Variants in B3GALT1 observed in about 807,000 individuals in gnomAD.
The protein encoded by B3GALT1 is beta-1,3-galactosyltransferase 1, also known as UDP-Gal:betaGlcNAc beta 1,3-galactosyltransferase, polypeptide 1.
B3GALT1 carries 10 observed loss-of-function variants against 23.2 expected under a neutral mutation model. The observed-to-expected ratio is 0.43, with a 90% CI of 0.27 to 0.73. The LOEUF (loss-of-function observed/expected upper bound fraction) is 0.73. Ranked by LOEUF, B3GALT1 falls within the 30% of genes least tolerant of loss-of-function variation. The probability of loss-of-function intolerance (pLI) is 0.21; values close to 1 mark genes in which losing one functional copy is unlikely to be tolerated. For synonymous variants in B3GALT1, 156 were observed against 141.5 expected (o/e 1.10, Z -0.73); for missense variants, 299 against 405.4 (o/e 0.74, Z 2.25).
At chr2:167,836,227 A>G (rs184598520) in intron 4 of B3GALT1, among the ~76,000 whole-genome samples, 135 of 151,836 alleles carry the variant, frequency 8.9e-4, no homozygotes, top group Middle Eastern at 6.8e-3. Context: ...CGATCAAACT[A>G]CAAGCTACAG....
intron 2 of B3GALT1, among the ~76,000 whole-genome samples, chr2:167,636,752 G>A (rs184052523): frequency 3.6e-3 from 543 of 152,076 alleles, no homozygotes; most frequent in African/African-American, 0.012. Context: ...GCCAAACACC[G>A]CATGTTCTCA....
chr2:167,654,249 A>G (rs1356858444), intron 3 of B3GALT1, among the ~76,000 whole-genome samples: 1 of 152,190 alleles, frequency 6.6e-6, no homozygotes, highest in Non-Finnish European at 1.5e-5. Context: ...CAAGGCATTT[A>G]GAATATATTT....
intron 3 of B3GALT1, among the ~76,000 whole-genome samples, chr2:167,713,065 T>C (rs1446071110): frequency 6.6e-6 from 1 of 152,154 alleles, no homozygotes; most frequent in African/African-American, 2.4e-5. Context: ...GCAATTATTA[T>C]CCCTTCTGAG....
chr2:167,529,104 T>TATG (rs1683273678), intron 2 of B3GALT1, among the ~76,000 whole-genome samples: 2 of 152,166 alleles, frequency 1.3e-5, no homozygotes. Context: ...TCATTTACTT[T>TATG]ATGTGTCAAA....
At chr2:167,816,936 A>AT (rs987683038) in intron 3 of B3GALT1, among the ~76,000 whole-genome samples, 10 of 152,184 alleles carry the variant, frequency 6.6e-5, no homozygotes, top group African/African-American at 9.6e-5. Context: ...AGAATAAGAC[A>AT]TTTTTTACAT....
chr2:167,811,854 G>A (rs1688895928), intron 3 of B3GALT1, among the ~76,000 whole-genome samples: 1 of 152,136 alleles, frequency 6.6e-6, no homozygotes, highest in Admixed American at 6.5e-5. Flanking sequence ...TGTTTTCCCA[G>A]CACATATCAG....
At chr2:167,323,055 G>C (rs902819221) in intron 1 of B3GALT1, among the ~76,000 whole-genome samples, 1 of 151,372 alleles carries the variant, frequency 6.6e-6, no homozygotes, top group Non-Finnish European at 1.5e-5. Flanking sequence ...TCCATTTTCT[G>C]GCCTTTTTAA....
chr2:167,617,906 A>G (rs1170136588), intron 2 of B3GALT1, among the ~76,000 whole-genome samples: 1 of 152,062 alleles, frequency 6.6e-6, no homozygotes, highest in Non-Finnish European at 1.5e-5. Flanking sequence ...GATAATTAAA[A>G]GGAATGTTAT....
chr2:167,804,714 T>G (rs201198608), intron 3 of B3GALT1, among the ~76,000 whole-genome samples: 1 of 152,358 alleles, frequency 6.6e-6, no homozygotes, highest in African/African-American at 2.4e-5. Context: ...ATTTTCTTAA[T>G]CCAGTCTATC....
intron 1 of B3GALT1, among the ~76,000 whole-genome samples, chr2:167,429,853 C>A (rs1427687460): frequency 6.6e-6 from 1 of 152,176 alleles, no homozygotes; most frequent in Non-Finnish European, 1.5e-5. Flanking sequence ...TTATGTTAGC[C>A]TCTAATGTTA....
chr2:167,353,202 G>T (rs1348542925), intron 1 of B3GALT1, among the ~76,000 whole-genome samples: 4 of 152,166 alleles, frequency 2.6e-5, no homozygotes, highest in Non-Finnish European at 5.9e-5. Flanking sequence ...AACTGGAAAA[G>T]AAAACTGAAT....
intron 2 of B3GALT1, among the ~76,000 whole-genome samples, chr2:167,608,166 G>A (rs1684998742): frequency 6.6e-6 from 1 of 152,014 alleles, no homozygotes; most frequent in Non-Finnish European, 1.5e-5. Context: ...ATGATTACTT[G>A]GTACCTGAGA....
At chr2:167,561,815 C>T (rs1054612478) in intron 2 of B3GALT1, among the ~76,000 whole-genome samples, 11 of 152,244 alleles carry the variant, frequency 7.2e-5, no homozygotes, top group African/African-American at 2.4e-4. Flanking sequence ...CAATAATCAA[C>T]AGCTTACCAA....
intron 3 of B3GALT1, among the ~76,000 whole-genome samples, chr2:167,708,178 A>T (rs1371247303): frequency 6.6e-6 from 1 of 152,246 alleles, no homozygotes; most frequent in Non-Finnish European, 1.5e-5. Flanking sequence ...ACAAAATAGC[A>T]AATCAAATGT....
In B3GALT1 at chr2:167,869,093, C is replaced by T. The variant is rs558710710; in HGVS notation, c.54C>T (p.Ser18=). ...LYVLTVVCWA[S]ALWYLSITRP... is the part of the protein sequence containing the mutation. The stretch of plus-strand genomic sequence containing the variant: ...TTTTGACAGTTGTGTGCTGGGCCAG[C>T]GCTCTCTGGTACTTGAGTATAACTC... The change falls in exon 5 of 5, where the codon AGC becomes AGT. Residue 18 remains serine, a synonymous_variant. Coordinates refer to ENST00000392690, the MANE Select transcript of B3GALT1 (RefSeq NM_020981.4). The surrounding 1 kb of genome is among the most constrained non-coding windows in gnomAD (Gnocchi z 6.4). The T allele has an allele frequency of 8.1e-6, 13 of 1,613,996 alleles. No homozygotes were observed. The East Asian group carries it at 1.8e-4, about 22-fold the overall frequency.
chr2:167,505,047 G>T (rs1394287949), intron 2 of B3GALT1, among the ~76,000 whole-genome samples: 1 of 152,150 alleles, frequency 6.6e-6, no homozygotes, highest in Admixed American at 6.5e-5. Context: ...TATATTAAGT[G>T]AACAGAGCAA....
chr2:167,660,293 C>G (rs1055702822), intron 3 of B3GALT1, among the ~76,000 whole-genome samples: 1 of 151,872 alleles, frequency 6.6e-6, no homozygotes, highest in African/African-American at 2.4e-5. Flanking sequence ...TTGTGTGGCT[C>G]TCCACTTTAT....
At chr2:167,538,550 T>G (rs1683470895) in intron 2 of B3GALT1, among the ~76,000 whole-genome samples, 1 of 152,178 alleles carries the variant, frequency 6.6e-6, no homozygotes, top group South Asian at 2.1e-4. Context: ...ATACCTGACC[T>G]CTGTAGACTT....
At chr2:167,326,206 G>A (rs1000515669) in intron 1 of B3GALT1, among the ~76,000 whole-genome samples, 9 of 142,976 alleles carry the variant, frequency 6.3e-5, no homozygotes, top group African/African-American at 2.3e-4. Context: ...TTTTTTTTCA[G>A]TATACTTGCT....
Sources: allele counts gnomAD v4.1 joint callset (sites outside exome capture counted in the v4.1 genomes callset), GRCh38; gene constraint gnomAD v4.1.1; non-coding constraint Gnocchi (gnomAD v3.1); transcripts MANE v1.5; gene names NCBI Gene and HGNC (gene_info 2026-07-23, HGNC 2026-07-21).